The following PCDH11X variants were observed in gnomAD, a reference collection of about 807,000 sequenced individuals.
The protein encoded by PCDH11X is protocadherin-11 X-linked.
Under a neutral mutation model 53.3 loss-of-function variants are expected in PCDH11X, and 18 were observed. The ratio of observed to expected loss-of-function variants is 0.34; its 90% CI spans 0.23 to 0.50. PCDH11X has a LOEUF of 0.50. Ranked by LOEUF, PCDH11X falls within the 20% of genes least tolerant of loss-of-function variation. PCDH11X has a pLI of 0.98. For missense variants in PCDH11X, 570 were observed against 1,032.4 expected, an observed-to-expected ratio of 0.55 and a Z score of 6.14; for synonymous variants, 279 against 393.3, an observed-to-expected ratio of 0.71 and a Z score of 3.44.
intron 6 of PCDH11X, among the ~76,000 whole-genome samples, chrX:92,148,133 TTTCC>T (rs202024225): frequency 0.07 from 361 of 5,169 alleles, 70 homozygotes; most frequent in Middle Eastern, 0.2. Context: ...TTTCTTTCTT[TTTCC>T]TTCCTTCCTT....
At chrX:92,603,142 A>C (rs1366486766) in intron 10 of PCDH11X, among the ~76,000 whole-genome samples, 2 of 105,516 alleles carry the variant, frequency 1.9e-5, no homozygotes, top group Non-Finnish European at 1.9e-5. Context: ...AAAATTGACT[A>C]GAGTGATTCA....
chrX:91,915,049 C>T (rs999433862), intron 6 of PCDH11X, among the ~76,000 whole-genome samples: 4 of 107,721 alleles, frequency 3.7e-5, no homozygotes, highest in African/African-American at 1.4e-4. Context: ...GCAGACCTCT[C>T]AGCAGAAACC....
intron 5 of PCDH11X, among the ~76,000 whole-genome samples, chrX:91,839,231 A>T (rs1937415649): frequency 2.7e-5 from 3 of 109,893 alleles, no homozygotes; most frequent in Non-Finnish European, 3.8e-5. Flanking sequence ...GCAGTTCCTG[A>T]CTCCTAATCA....
chrX:91,965,988 C>T (rs2147896447), intron 6 of PCDH11X, among the ~76,000 whole-genome samples: 1 of 111,123 alleles, frequency 9.0e-6, no homozygotes, highest in South Asian at 3.8e-4. Context: ...GTCTTAAATC[C>T]CTCTCCTTGA....
intron 9 of PCDH11X, among the ~76,000 whole-genome samples, chrX:92,433,448 C>A (rs1212430159): frequency 1.8e-5 from 2 of 110,332 alleles, no homozygotes; most frequent in Admixed American, 9.7e-5. Flanking sequence ...GGATTATTAA[C>A]AGAAAGTCTT....
intron 6 of PCDH11X, among the ~76,000 whole-genome samples, chrX:91,886,455 ATAAAT>A (rs1274938945): frequency 1.8e-5 from 2 of 111,120 alleles, no homozygotes; most frequent in African/African-American, 3.3e-5. Context: ...TCTATAGTGC[ATAAAT>A]TAAACAAAAA....
chrX:91,872,214 A>T lies in PCDH11X; in HGVS notation c.541-4567A>T, dbSNP rs1314025844. Among the ~76,000 whole-genome samples the T allele has an allele frequency of 3.7e-5, 4 of 108,606 alleles. No homozygotes were observed. In the East Asian group the frequency reaches 1.2e-3, roughly 31 times the overall value. The allele number at this position is 108,606 out of a possible 115,157, so 94.3% of individuals were successfully genotyped here. A position where few individuals can be genotyped will look rare whatever the true frequency, so the allele number is the denominator to read the frequency against. On this transcript the variant is annotated intron_variant, in intron 5 of 10. Transcript: ENST00000682573. ...TCAAGTTTTACAACTAGGTTGTAAAATTTTACTAGCAATTGACACTTTGGC... is the reference window on the plus strand; with the variant it reads ...TCAAGTTTTACAACTAGGTTGTAAATTTTTACTAGCAATTGACACTTTGGC...
In PCDH11X at chrX:91,925,617, C is replaced by G. The variant is rs748776333; in HGVS notation, c.3033+46344C>G. On this transcript the variant is annotated intron_variant, in intron 6 of 10. Coordinates refer to ENST00000682573, the MANE Select transcript of PCDH11X (RefSeq NM_032968.5). ...AGAACATTGATTTTCAGAGAAAATG[C>G]TATGATAATTGAAGAATGTTAAAAA... is the stretch of plus-strand genomic sequence containing the variant. 6.1e-4 allele frequency among the ~76,000 whole-genome samples: 68 copies of G among 110,638 alleles called. No homozygotes were observed. The Middle Eastern group carries it at 0.014, about 23-fold the overall frequency.
chrX:92,369,349 G>A (rs753342201), intron 8 of PCDH11X, among the ~76,000 whole-genome samples: 50 of 111,015 alleles, frequency 4.5e-4, no homozygotes, highest in Admixed American at 2.0e-3. Context: ...CAGTAATGGC[G>A]GATGCCCCTC....
chrX:92,447,380 G>A, intron 9 of PCDH11X, among the ~76,000 whole-genome samples: 1 of 110,756 alleles, frequency 9.0e-6, no homozygotes, highest in South Asian at 3.9e-4. Flanking sequence ...AGGTCCCTGT[G>A]CTGTGTGCAG....
At chrX:92,382,993 CT>C (rs1281635734) in intron 8 of PCDH11X, among the ~76,000 whole-genome samples, 1 of 110,627 alleles carries the variant, frequency 9.0e-6, no homozygotes, top group Admixed American at 9.6e-5. Context: ...AAACCATGGC[CT>C]TTAGAGCCAA....
intron 10 of PCDH11X, among the ~76,000 whole-genome samples, chrX:92,474,280 T>A (rs2073329608): frequency 9.0e-6 from 1 of 111,199 alleles, no homozygotes; most frequent in East Asian, 2.8e-4. Context: ...CACTCTTTTT[T>A]AGTTTTTATT....
At chrX:91,993,437 G>A (rs1220299346) in intron 6 of PCDH11X, among the ~76,000 whole-genome samples, 5 of 112,061 alleles carry the variant, frequency 4.5e-5, no homozygotes, top group African/African-American at 1.6e-4. Flanking sequence ...GTAAGGCTGT[G>A]TTTTATTTCA....
At chrX:91,820,504 CT>C (rs1271352430) in intron 4 of PCDH11X, among the ~76,000 whole-genome samples, 1 of 93,901 alleles carries the variant, frequency 1.1e-5, no homozygotes, top group Non-Finnish European at 2.0e-5. Context: ...CCTTTGCCCA[CT>C]TTTTGATGGG....
At chrX:91,986,863 T>C (rs1299205945) in intron 6 of PCDH11X, among the ~76,000 whole-genome samples, 1 of 111,040 alleles carries the variant, frequency 9.0e-6, no homozygotes, top group African/African-American at 3.3e-5. Flanking sequence ...TCACAGGTTC[T>C]GGAATTGGAG....
intron 8 of PCDH11X, among the ~76,000 whole-genome samples, chrX:92,324,309 C>A (rs1354176271): frequency 4.5e-5 from 5 of 111,646 alleles, no homozygotes; most frequent in Non-Finnish European, 7.5e-5. Context: ...GTAAACCTGA[C>A]AACCTGTTGC....
intron 10 of PCDH11X, among the ~76,000 whole-genome samples, chrX:92,504,041 CAAAA>C (rs763047477): frequency 4.3e-5 from 1 of 23,072 alleles, no homozygotes; most frequent in Non-Finnish European, 8.4e-5. Context: ...CACCCAAGAT[CAAAA>C]AAAAAAAAAA....
At chrX:92,052,074 C>T (rs1485081009) in intron 6 of PCDH11X, among the ~76,000 whole-genome samples, 1 of 110,720 alleles carries the variant, frequency 9.0e-6, no homozygotes, top group Non-Finnish European at 1.9e-5. Context: ...CTAATTTGCT[C>T]CTCAAATCAT....
At chrX:92,047,725 T>A (rs1175906414) in intron 6 of PCDH11X, among the ~76,000 whole-genome samples, 1 of 108,455 alleles carries the variant, frequency 9.2e-6, no homozygotes, top group Non-Finnish European at 1.9e-5. Context: ...AAATTTGAAA[T>A]CCATTGTGGA....
Sources: gnomAD v4.1 joint callset for allele counts (sites outside exome capture counted in the v4.1 genomes callset) on GRCh38, gnomAD v4.1.1 for gene constraint, MANE v1.5 for transcripts, NCBI Gene and HGNC (gene_info 2026-07-23, HGNC 2026-07-21) for gene names.